The following RILPL1 variants were observed in gnomAD, a reference collection of about 807,000 sequenced individuals.
The protein encoded by RILPL1 is Rab interacting lysosomal protein like 1, also known as RILP-like protein 1.
In RILPL1, 33 loss-of-function variants were observed where a neutral mutation model predicts 50.3. The observed-to-expected ratio is 0.66, with a 90% CI of 0.50 to 0.88. The LOEUF is 0.88. Among genes scored for constraint, RILPL1 ranks in the 40% least tolerant of loss-of-function variants. RILPL1 has a pLI of 0.00. For synonymous variants in RILPL1, 205 were observed against 228.6 expected (o/e 0.90, Z 0.93); for missense variants, 418 against 542.5 (o/e 0.77, Z 2.28).
rs1290954536 is a variant in RILPL1 at position 123,533,583 on chromosome 12, C to T, written c.-101G>A. ...GGCCGGGCCCAGCCTGGGCCGCGGG[C>T]GGGCGCGCTCAGCGGGCGCTGGGGC... On this transcript the variant is annotated 5_prime_UTR_variant, in exon 1 of 7. Transcript: ENST00000376874. The surrounding 1 kb of genome is among the most constrained non-coding windows in gnomAD (Gnocchi z 6.2). 2.9e-6 allele frequency: 3 copies of T among 1,037,208 alleles called. No individual in the cohort carries two copies. The highest frequency in any genetic ancestry group is 3.7e-6 in the Non-Finnish European group (3 of 819,218). The allele number at this position is 1,037,208 out of a possible 1,614,324, so 64.3% of individuals were successfully genotyped here.
At chr12:123,506,832 C>T (rs1038980780) in intron 2 of RILPL1, among the ~76,000 whole-genome samples, 9 of 152,108 alleles carry the variant, frequency 5.9e-5, no homozygotes, top group Non-Finnish European at 1.0e-4. Context: ...ATCCTCCCAC[C>T]GATGGCCATG....
In RILPL1 at chr12:123,485,772, C is replaced by T. The variant is rs754132549; in HGVS notation, c.835G>A (p.Ala279Thr). ...EPVGEESISD[A>T]EKVAMDLKDP... ...TTGAGATCCATGGCCACCTTCTCTG[C>T]GTCGGAGATGCTCTCCTCTCCCACC... The change falls in exon 5 of 7, where the codon GCA becomes ACA. Residue 279 changes from alanine to threonine, a missense_variant. Physicochemically the swap from Ala to Thr is moderately conservative, Grantham distance 58. Coordinates refer to ENST00000376874, the MANE Select transcript of RILPL1 (RefSeq NM_178314.5). The surrounding 1 kb of genome is among the most constrained non-coding windows in gnomAD (Gnocchi z 4.0). The T allele has an allele frequency of 1.5e-5, 24 of 1,610,690 alleles. No individual in the cohort carries two copies. The highest frequency in any genetic ancestry group is 6.6e-5 in the South Asian group (6 of 90,764).
At chr12:123,488,461 A>AAAGAAG (rs1043320164) in intron 4 of RILPL1, among the ~76,000 whole-genome samples, 2 of 151,522 alleles carry the variant, frequency 1.3e-5, no homozygotes, top group South Asian at 4.2e-4. Context: ...AAAAAAAAAA[A>AAAGAAG]AAGAAGAAGA....
chr12:123,479,525 A>C (rs1881819698), intron 6 of RILPL1, among the ~76,000 whole-genome samples: 1 of 152,312 alleles, frequency 6.6e-6, no homozygotes, highest in East Asian at 1.9e-4. Flanking sequence ...GCGCCAGCCC[A>C]GGGAAGATCT....
At chr12:123,484,786 G>A (rs1882221156) in intron 5 of RILPL1, 4 of 235,070 alleles carry the variant, frequency 1.7e-5, no homozygotes, top group South Asian at 1.2e-4. Flanking sequence ...CCTCCCAAGT[G>A]GCTGGGACTA....
intron 2 of RILPL1, among the ~76,000 whole-genome samples, chr12:123,500,616 G>A (rs1211464532): frequency 6.6e-6 from 1 of 152,022 alleles, no homozygotes; most frequent in African/African-American, 2.4e-5. Flanking sequence ...GAAAGATGAC[G>A]CTGCACAGTG....
intron 2 of RILPL1, among the ~76,000 whole-genome samples, chr12:123,517,487 T>A (rs1159628372): frequency 1.3e-5 from 2 of 148,368 alleles, no homozygotes; most frequent in East Asian, 4.2e-4. Context: ...GCGGTGGCAA[T>A]CTCGGCTCAC....
chr12:123,531,347 C>T (rs538365736), intron 1 of RILPL1, among the ~76,000 whole-genome samples: 52 of 152,260 alleles, frequency 3.4e-4, no homozygotes, highest in South Asian at 6.2e-4. Flanking sequence ...TGGTGGCCTC[C>T]GATGGCTTCC....
chr12:123,480,158 CTTTTTT>C (rs957649286), intron 6 of RILPL1, among the ~76,000 whole-genome samples: 2 of 117,030 alleles, frequency 1.7e-5, no homozygotes, highest in Non-Finnish European at 3.7e-5. Context: ...AAGGCTGATT[CTTTTTT>C]TTTTTTTTTT....
intron 4 of RILPL1, among the ~76,000 whole-genome samples, chr12:123,490,180 C>T (rs1882598533): frequency 6.6e-6 from 1 of 152,092 alleles, no homozygotes. Flanking sequence ...CCTTGCCTCT[C>T]CTGTGTCTCT....
chr12:123,525,351 G>C (rs28833471), intron 1 of RILPL1, among the ~76,000 whole-genome samples: 26,009 of 150,064 alleles, frequency 0.17, 2,407 homozygotes, highest in Middle Eastern at 0.24. Flanking sequence ...CCAGTAGCTG[G>C]GACTACAGGC....
chr12:123,524,374 T>A (rs1885174965), intron 1 of RILPL1, among the ~76,000 whole-genome samples: 1 of 152,190 alleles, frequency 6.6e-6, no homozygotes, highest in South Asian at 2.1e-4. Flanking sequence ...GAAAACACTC[T>A]GGCAGTTTCG....
chr12:123,531,050 A>C (rs1257361135), intron 1 of RILPL1, among the ~76,000 whole-genome samples: 5 of 152,108 alleles, frequency 3.3e-5, no homozygotes, highest in Non-Finnish European at 5.9e-5. Flanking sequence ...GGACAGACTA[A>C]ACCAGGACAT....
intron 2 of RILPL1, among the ~76,000 whole-genome samples, chr12:123,517,427 T>G (rs1466971503): frequency 9.5e-5 from 5 of 52,754 alleles, no homozygotes; most frequent in East Asian, 2.0e-4. Context: ...TGTTATTGTT[T>G]TTTTTTTTTT....
rs191930528 is a variant in RILPL1, at chr12:123,517,682, A to G, written c.460+5813T>C. Among the ~76,000 whole-genome samples, 651 of 152,206 alleles carry G rather than the reference A, an allele frequency of 4.3e-3. 5 individuals carry two copies. The highest frequency in any genetic ancestry group is 0.014 in the Admixed American group (217 of 15,282). On this transcript the variant is annotated intron_variant, in intron 2 of 6. Coordinates refer to ENST00000376874, the MANE Select transcript of RILPL1 (RefSeq NM_178314.5). ...AGTGATCCACCCGCCTCAGCCTCCC[A>G]AAGTGCTGGGATGACAGGCATGAGC...
chr12:123,519,067 AAAAAAAAG>A (rs1309075502), intron 2 of RILPL1, among the ~76,000 whole-genome samples: 5 of 148,844 alleles, frequency 3.4e-5, no homozygotes, highest in Admixed American at 6.8e-5. Context: ...AAAAAAAAAA[AAAAAAAAG>A]AAAAGAAAAA....
chr12:123,520,164 C>G (rs938154908), intron 2 of RILPL1, among the ~76,000 whole-genome samples: 8 of 152,226 alleles, frequency 5.3e-5, no homozygotes, highest in Admixed American at 3.9e-4. Flanking sequence ...CGATTCACAA[C>G]AGCCAAAAGG....
In RILPL1 at chr12:123,472,695, A is replaced by G. The variant is rs1881275451; in HGVS notation, c.1068-13T>C. 6.3e-7 allele frequency: 1 copy of G among 1,590,244 alleles called. No individual in the cohort carries two copies. Among genetic ancestry groups the G allele is most frequent in the Non-Finnish European group, 8.6e-7 (1 of 1,168,086 alleles). ...GAAGAAGCTAAACCTTTGGAAGGGA[A>G]AGCAAACACAGAAATGAGAGCTGAC... On this transcript the variant is annotated splice_polypyrimidine_tract_variant and intron_variant, in intron 6 of 6. Coordinates refer to ENST00000376874, the MANE Select transcript of RILPL1 (RefSeq NM_178314.5).
At chr12:123,529,120 G>C (rs1458600820) in intron 1 of RILPL1, among the ~76,000 whole-genome samples, 1 of 152,094 alleles carries the variant, frequency 6.6e-6, no homozygotes, top group Non-Finnish European at 1.5e-5. Flanking sequence ...CTTCTGCCTA[G>C]AATGCCTCTC....
Sources: allele counts gnomAD v4.1 joint callset (sites outside exome capture counted in the v4.1 genomes callset), GRCh38; gene constraint gnomAD v4.1.1; non-coding constraint Gnocchi (gnomAD v3.1); transcripts MANE v1.5; gene names NCBI Gene and HGNC (gene_info 2026-07-23, HGNC 2026-07-21).